The following CDH12 variants were observed in gnomAD, a reference collection of about 807,000 sequenced individuals.
CDH12 encodes cadherin 12, also known as cadherin-12.
In CDH12, 41 loss-of-function variants were observed where a neutral mutation model predicts 74.1. The observed-to-expected ratio is 0.55, with a 90% CI of 0.43 to 0.72. The LOEUF (loss-of-function observed/expected upper bound fraction) is 0.72, where lower values mean the gene tolerates loss of function less well. CDH12 is among the 30% of genes least tolerant of loss of function. The pLI, the probability that CDH12 is intolerant of heterozygous loss-of-function variation, is 0.00. For synonymous variants in CDH12, 399 were observed against 355.0 expected (o/e 1.12, Z -1.39); for missense variants, 945 against 977.2 (o/e 0.97, Z 0.44).
At chr5:22,616,772 T>C (rs993631449) in intron 1 of CDH12, among the ~76,000 whole-genome samples, 6 of 152,222 alleles carry the variant, frequency 3.9e-5, no homozygotes, top group African/African-American at 1.4e-4. Flanking sequence ...TGTTGAAACC[T>C]AACCCCCAAT....
intron 3 of CDH12, among the ~76,000 whole-genome samples, chr5:22,212,921 G>A (rs1751625950): frequency 6.6e-6 from 1 of 152,248 alleles, no homozygotes; most frequent in Admixed American, 6.5e-5. Flanking sequence ...CAGCCTAATG[G>A]ATGAACTACA....
intron 2 of CDH12, among the ~76,000 whole-genome samples, chr5:22,474,210 G>A (rs1276264202): frequency 6.6e-6 from 1 of 152,170 alleles, no homozygotes; most frequent in Admixed American, 6.6e-5. Flanking sequence ...AGAGAGTGAA[G>A]TGGCTGCAGG....
intron 6 of CDH12, among the ~76,000 whole-genome samples, chr5:21,928,527 T>G (rs548546400): frequency 6.6e-6 from 1 of 152,318 alleles, no homozygotes; most frequent in African/African-American, 2.4e-5. Flanking sequence ...CTAGACAATG[T>G]CAGGAGTTGG....
intron 5 of CDH12, among the ~76,000 whole-genome samples, chr5:22,072,613 G>A (rs1353467476): frequency 6.6e-6 from 1 of 151,574 alleles, no homozygotes; most frequent in Non-Finnish European, 1.5e-5. Context: ...TAGGGTACAT[G>A]TGTACAATGT....
At chr5:21,793,209 A>T (rs1224280628) in intron 10 of CDH12, among the ~76,000 whole-genome samples, 1 of 151,772 alleles carries the variant, frequency 6.6e-6, no homozygotes, top group African/African-American at 2.4e-5. Flanking sequence ...TCCTTCTTAC[A>T]AAACTGTACC....
At chr5:21,958,160 G>A (rs2547581) in intron 6 of CDH12, among the ~76,000 whole-genome samples, 55 of 152,158 alleles carry the variant, frequency 3.6e-4, no homozygotes, top group African/African-American at 5.3e-4. Context: ...GGTGCATTGC[G>A]TCCCTTTCAC....
intron 3 of CDH12, among the ~76,000 whole-genome samples, chr5:22,232,791 C>G (rs907267604): frequency 3.4e-4 from 51 of 149,888 alleles, no homozygotes; most frequent in African/African-American, 1.2e-3. Flanking sequence ...TTTATTCATT[C>G]TCTCTAAGAA....
intron 1 of CDH12, among the ~76,000 whole-genome samples, chr5:22,643,258 G>A (rs568581052): frequency 9.2e-5 from 14 of 152,124 alleles, no homozygotes; most frequent in African/African-American, 2.4e-4. Context: ...GTTTGCTCTG[G>A]GTAGTCAGCT....
At chr5:22,781,341 A>G (rs556500056) in intron 1 of CDH12, among the ~76,000 whole-genome samples, 16 of 152,356 alleles carry the variant, frequency 1.1e-4, no homozygotes, top group African/African-American at 3.8e-4. Context: ...AGTTTCAAAA[A>G]CAGGAATTGA....
intron 4 of CDH12, among the ~76,000 whole-genome samples, chr5:22,111,748 TA>T (rs979263997): frequency 1.4e-4 from 22 of 152,184 alleles, no homozygotes; most frequent in Non-Finnish European, 2.4e-4. Flanking sequence ...AAAGATGGCC[TA>T]CCTTTGGAAG....
At chr5:21,807,696 C>T (rs1747511263) in intron 9 of CDH12, among the ~76,000 whole-genome samples, 1 of 152,054 alleles carries the variant, frequency 6.6e-6, no homozygotes, top group Non-Finnish European at 1.5e-5. Context: ...AAAATGATAG[C>T]TTCAGCAGGC....
chr5:22,265,326 C>T (rs1446338353), intron 3 of CDH12, among the ~76,000 whole-genome samples: 2 of 152,220 alleles, frequency 1.3e-5, no homozygotes, highest in East Asian at 3.9e-4. Context: ...TTTCCCTTGT[C>T]AATTAGTTTC....
chr5:21,972,958 C>T (rs1756914248), intron 6 of CDH12, among the ~76,000 whole-genome samples: 1 of 150,644 alleles, frequency 6.6e-6, no homozygotes, highest in Non-Finnish European at 1.5e-5. Context: ...TCCCAGTGCT[C>T]TGGGAAGCCA....
chr5:22,307,651 C>G (rs1054206964), intron 3 of CDH12, among the ~76,000 whole-genome samples: 5 of 151,874 alleles, frequency 3.3e-5, no homozygotes, highest in African/African-American at 1.2e-4. Flanking sequence ...TTGTGTTTTT[C>G]CTAAACAATT....
intron 5 of CDH12, among the ~76,000 whole-genome samples, chr5:22,012,247 T>G (rs1737340958): frequency 6.6e-6 from 1 of 151,472 alleles, no homozygotes; most frequent in East Asian, 1.9e-4. Flanking sequence ...ATTGTATTTT[T>G]AAACATCAAA....
intron 2 of CDH12, among the ~76,000 whole-genome samples, chr5:22,427,747 G>A (rs1744000492): frequency 6.6e-6 from 1 of 152,094 alleles, no homozygotes; most frequent in Admixed American, 6.6e-5. Context: ...ACAATAAGCA[G>A]GAATGGAGGA....
chr5:21,842,189 G>A lies in CDH12; in HGVS notation c.786C>T (p.Val262=), dbSNP rs1296685411. ...TGGGGAATCGAGGTGGATTGTCATT[G>A]ACATCGGTGAGAGTGATGTTGACTA... The part of the protein sequence containing the change: ...TTIVNITLTD[V]NDNPPRFPKS... Residue 262 remains valine (V), a synonymous_variant, in exon 8 of 15, where the codon GTC becomes GTT. Transcript: ENST00000382254. 2 of 1,612,316 alleles carry A rather than the reference G, an allele frequency of 1.2e-6. No homozygotes were observed. Among genetic ancestry groups the A allele is most frequent in the Non-Finnish European group, 1.7e-6 (2 of 1,179,308 alleles).
In CDH12 at chr5:22,382,870, A is replaced by G. The variant is rs1741829084; in HGVS notation, c.-333+22387T>C. 2.0e-5 allele frequency among the ~76,000 whole-genome samples: 3 copies of G among 151,984 alleles called. No homozygotes were observed. The South Asian group carries it at 6.2e-4, about 32-fold the overall frequency. ...TTTGAGACGGAGTTTCACTCTTGTT[A>G]CCCAGGCTGTAGTGCAATGGCGCAA... is the stretch of plus-strand genomic sequence containing the variant. On this transcript the variant is annotated intron_variant, in intron 3 of 14. Coordinates refer to ENST00000382254, the MANE Select transcript of CDH12 (RefSeq NM_004061.5).
intron 4 of CDH12, among the ~76,000 whole-genome samples, chr5:22,168,021 GGAT>G (rs2150325348): frequency 6.6e-6 from 1 of 152,140 alleles, no homozygotes; most frequent in African/African-American, 2.4e-5. Context: ...AGCAACCGAA[GGAT>G]GATAAGAGAA....
Sources: allele counts gnomAD v4.1 joint callset (sites outside exome capture counted in the v4.1 genomes callset), GRCh38; gene constraint gnomAD v4.1.1; transcripts MANE v1.5; gene names NCBI Gene and HGNC (gene_info 2026-07-23, HGNC 2026-07-21).